The following OR2L13 variants were observed in gnomAD, a reference collection of about 807,000 sequenced individuals.
OR2L13 encodes olfactory receptor family 2 subfamily L member 13.
A neutral mutation model predicts 15.3 loss-of-function variants in OR2L13; 14 were observed. The observed-to-expected ratio is 0.91, with a 90% CI of 0.60 to 1.43. The LOEUF (loss-of-function observed/expected upper bound fraction) is 1.43, where lower values mean the gene tolerates loss of function less well. Among genes scored for constraint, OR2L13 ranks in the 40% most tolerant of loss-of-function variants. The probability of loss-of-function intolerance (pLI) is 0.00; values close to 1 mark genes in which losing one functional copy is unlikely to be tolerated. For synonymous variants in OR2L13, 152 were observed against 142.9 expected, an observed-to-expected ratio of 1.06 and a Z score of -0.45; for missense variants, 367 against 387.9, an observed-to-expected ratio of 0.95 and a Z score of 0.45.
At chr1:247,973,307 A>G in the OR2L13 span, among the ~76,000 whole-genome samples, 1 of 152,164 alleles carries the variant, frequency 6.6e-6, no homozygotes, top group South Asian at 2.1e-4. Flanking sequence ...GAAATAAAGG[A>G]TATTCAAATA....
chr1:247,966,511 C>G, the OR2L13 span: 2 of 596,914 alleles, frequency 3.4e-6, no homozygotes, highest in African/African-American at 3.8e-5. Flanking sequence ...AATGCTTTTA[C>G]TTGCCCTCTT....
chr1:248,028,649 A>C, the OR2L13 span, among the ~76,000 whole-genome samples: 1 of 152,202 alleles, frequency 6.6e-6, no homozygotes, highest in South Asian at 2.1e-4. Context: ...CATCGTTTCT[A>C]CTGCAGAAGT....
the OR2L13 span, chr1:248,038,911 G>A: frequency 6.2e-7 from 1 of 1,614,136 alleles, no homozygotes; most frequent in Non-Finnish European, 8.5e-7. Flanking sequence ...GGTATTGCAT[G>A]TTCCTATGGC....
At chr1:247,958,541 G>T in the OR2L13 span, among the ~76,000 whole-genome samples, 1 of 152,126 alleles carries the variant, frequency 6.6e-6, no homozygotes, top group Non-Finnish European at 1.5e-5. Context: ...TGACAGTGGG[G>T]TGTTAAAGTC....
chr1:248,025,896 C>G, the OR2L13 span, among the ~76,000 whole-genome samples: 2 of 144,318 alleles, frequency 1.4e-5, no homozygotes, highest in Admixed American at 7.0e-5. Context: ...GGGAATTGAA[C>G]AATGAGAACA....
chr1:248,020,597 G>A, the OR2L13 span, among the ~76,000 whole-genome samples: 2 of 152,014 alleles, frequency 1.3e-5, no homozygotes, highest in South Asian at 4.1e-4. Context: ...ACTGAATGAG[G>A]AGGCAAAAGA....
the OR2L13 span, chr1:247,965,107 C>G: frequency 3.2e-6 from 1 of 313,074 alleles, no homozygotes; most frequent in Non-Finnish European, 5.8e-6. Flanking sequence ...TTTAAGTTAT[C>G]TCATGTATGT....
chr1:248,077,036 G>T, the OR2L13 span, among the ~76,000 whole-genome samples: 4 of 152,174 alleles, frequency 2.6e-5, no homozygotes, highest in African/African-American at 9.7e-5. Context: ...AGTTTATTGA[G>T]AGTGTTTAGC....
the OR2L13 span, among the ~76,000 whole-genome samples, chr1:247,993,867 A>G: frequency 6.6e-6 from 1 of 151,972 alleles, no homozygotes; most frequent in Non-Finnish European, 1.5e-5. Context: ...TGTAAAACCA[A>G]TGGACATGCA....
At chr1:247,971,212 T>C in the OR2L13 span, among the ~76,000 whole-genome samples, 2 of 152,204 alleles carry the variant, frequency 1.3e-5, no homozygotes, top group Non-Finnish European at 2.9e-5. Context: ...ACTGTTTTTT[T>C]ACTTTGCTTT....
chr1:248,036,428 A>C, the OR2L13 span, among the ~76,000 whole-genome samples: 3,171 of 152,284 alleles, frequency 0.021, 118 homozygotes, highest in African/African-American at 0.072. Flanking sequence ...TCATTCCTGA[A>C]AATAGGAATT....
At chr1:247,970,428 G>A in the OR2L13 span, among the ~76,000 whole-genome samples, 2 of 152,016 alleles carry the variant, frequency 1.3e-5, no homozygotes, top group Non-Finnish European at 2.9e-5. Context: ...TAATAGTTTT[G>A]TAATAGTTTT....
chr1:248,001,960 G>A, the OR2L13 span, among the ~76,000 whole-genome samples: 1 of 151,994 alleles, frequency 6.6e-6, no homozygotes, highest in Non-Finnish European at 1.5e-5. Flanking sequence ...TGTAAATTGT[G>A]TTAACAATTT....
chr1:247,993,785 G>GAC, the OR2L13 span, among the ~76,000 whole-genome samples: 1 of 136,440 alleles, frequency 7.3e-6, no homozygotes, highest in Non-Finnish European at 1.5e-5. Flanking sequence ...GAGAGAGAGA[G>GAC]AGAGAGAGAG....
the OR2L13 span, among the ~76,000 whole-genome samples, chr1:247,958,242 T>C: frequency 1.3e-5 from 2 of 152,228 alleles, no homozygotes; most frequent in South Asian, 4.1e-4. Flanking sequence ...TTCCATGTAG[T>C]TGAGCAGTTT....
At chr1:248,004,090 T>C in the OR2L13 span, 181 of 1,580,262 alleles carry the variant, frequency 1.1e-4, 2 homozygotes, top group Admixed American at 3.1e-4. Context: ...TGCCTAAGGT[T>C]TCAGGACTCA....
chr1:247,992,617 C>T, the OR2L13 span, among the ~76,000 whole-genome samples: 1 of 152,290 alleles, frequency 6.6e-6, no homozygotes, highest in African/African-American at 2.4e-5. Flanking sequence ...CAAGTGAGAA[C>T]ATTCTGTATT....
chr1:247,949,746 A>G, the OR2L13 span: 1 of 1,613,372 alleles, frequency 6.2e-7, no homozygotes, highest in Non-Finnish European at 8.5e-7. Flanking sequence ...CAAGGAGGTG[A>G]TGGGGGCCCT....
the OR2L13 span, among the ~76,000 whole-genome samples, chr1:248,070,664 T>C: frequency 6.6e-6 from 1 of 151,876 alleles, no homozygotes; most frequent in South Asian, 2.1e-4. Flanking sequence ...AAAAAACCCT[T>C]CAAAAAATTA....
Sources: allele counts gnomAD v4.1 joint callset (sites outside exome capture counted in the v4.1 genomes callset), GRCh38; gene constraint gnomAD v4.1.1; transcripts MANE v1.5; gene names NCBI Gene and HGNC (gene_info 2026-07-23, HGNC 2026-07-21).